Variants in SNX29 observed in about 807,000 individuals in gnomAD.
SNX29 encodes the protein sorting nexin 29, also known as sorting nexin-29.
A neutral mutation model predicts 102.1 loss-of-function variants in SNX29; 78 were observed. The observed-to-expected ratio is 0.76, with a 90% CI of 0.64 to 0.92. The LOEUF (loss-of-function observed/expected upper bound fraction) is 0.92. Ranked by LOEUF, SNX29 falls within the 40% of genes least tolerant of loss-of-function variation. The probability of loss-of-function intolerance (pLI) is 0.00; values close to 1 mark genes in which losing one functional copy is unlikely to be tolerated. For missense variants in SNX29, 1,280 were observed against 1,061.7 expected (o/e 1.21, Z -2.86); for synonymous variants, 580 against 414.5 (o/e 1.40, Z -4.85).
At chr16:12,527,385 C>T (rs1203220868) in intron 20 of SNX29, 2 of 497,052 alleles carry the variant, frequency 4.0e-6, no homozygotes, top group Non-Finnish European at 7.8e-6. Context: ...AATCTCCTGC[C>T]TAAGGAAATA....
intron 11 of SNX29, among the ~76,000 whole-genome samples, chr16:12,099,164 G>A (rs2052899793): frequency 6.6e-6 from 1 of 152,226 alleles, no homozygotes; most frequent in Admixed American, 6.5e-5. Flanking sequence ...TTTCTCTTCT[G>A]CAGAATGGGA....
intron 15 of SNX29, among the ~76,000 whole-genome samples, chr16:12,310,471 C>T (rs1241640715): frequency 6.6e-6 from 1 of 151,148 alleles, no homozygotes; most frequent in Non-Finnish European, 1.5e-5. Flanking sequence ...GAACCATTGG[C>T]ACGCGTAACA....
chr16:12,246,827 G>A (rs374386941), intron 14 of SNX29, among the ~76,000 whole-genome samples: 27 of 152,270 alleles, frequency 1.8e-4, no homozygotes, highest in African/African-American at 6.5e-4. Flanking sequence ...CTGGATGTTG[G>A]GGATGGATCT....
chr16:12,403,378 C>CTTTTTTA, intron 17 of SNX29, 70 bp from the exon 18 acceptor site: 1 of 1,478,426 alleles, frequency 6.8e-7, no homozygotes, highest in South Asian at 1.2e-5. Flanking sequence ...CTCCTTTCCT[C>CTTTTTTA]TTTTTTATTT....
chr16:12,440,239 C>G (rs376130011), intron 18 of SNX29, among the ~76,000 whole-genome samples: 6 of 152,206 alleles, frequency 3.9e-5, no homozygotes, highest in African/African-American at 1.4e-4. Flanking sequence ...GAGATATTCA[C>G]AAACCATAAA....
At chr16:11,992,001 A>T (rs1350557074) in intron 1 of SNX29, among the ~76,000 whole-genome samples, 2 of 152,144 alleles carry the variant, frequency 1.3e-5, no homozygotes, top group Non-Finnish European at 2.9e-5. Context: ...AGTCCTTCTC[A>T]TAAAAATATT....
At chr16:12,230,306 C>T (rs896387286) in intron 14 of SNX29, among the ~76,000 whole-genome samples, 3 of 152,232 alleles carry the variant, frequency 2.0e-5, no homozygotes, top group African/African-American at 7.2e-5. Flanking sequence ...AAGAGTCAAG[C>T]CATGATTTAT....
intron 13 of SNX29, among the ~76,000 whole-genome samples, chr16:12,142,186 C>T (rs1319377861): frequency 6.6e-6 from 1 of 152,162 alleles, no homozygotes; most frequent in East Asian, 1.9e-4. Flanking sequence ...GGATCCAGTC[C>T]ACACTGAACC....
At chr16:12,417,026 C>G (rs1338555970) in intron 18 of SNX29, among the ~76,000 whole-genome samples, 1 of 152,248 alleles carries the variant, frequency 6.6e-6, no homozygotes, top group African/African-American at 2.4e-5. Flanking sequence ...CCAGGCACTG[C>G]GCCTAGTGAG....
chr16:12,200,518 T>G (rs931035877), intron 14 of SNX29, among the ~76,000 whole-genome samples: 3 of 151,450 alleles, frequency 2.0e-5, no homozygotes, highest in Non-Finnish European at 4.4e-5. Flanking sequence ...AGCCTCACTC[T>G]ACCGCCCAGG....
At chr16:12,563,798 C>CCCA (rs1248967255) in intron 20 of SNX29, among the ~76,000 whole-genome samples, 1 of 152,240 alleles carries the variant, frequency 6.6e-6, no homozygotes, top group African/African-American at 2.4e-5. Flanking sequence ...GACTGCAACA[C>CCCA]CCACCCATTT....
intron 20 of SNX29, among the ~76,000 whole-genome samples, chr16:12,539,289 C>T (rs1044194248): frequency 6.6e-5 from 10 of 152,132 alleles, no homozygotes; most frequent in South Asian, 2.1e-4. Flanking sequence ...CCCTCCCCCA[C>T]CTCTAAGCCC....
At chr16:12,532,987 G>A (rs1567663794) in intron 20 of SNX29, among the ~76,000 whole-genome samples, 1 of 152,216 alleles carries the variant, frequency 6.6e-6, no homozygotes, top group African/African-American at 2.4e-5. Context: ...GGCTGTGGTG[G>A]CATCCCTGAG....
At chr16:12,002,201 A>T (rs376652645) in intron 2 of SNX29, among the ~76,000 whole-genome samples, 1 of 152,056 alleles carries the variant, frequency 6.6e-6, no homozygotes, top group African/African-American at 2.4e-5. Flanking sequence ...TAATCCCAGC[A>T]CTTTGGGAGG....
chr16:12,236,283 C>T (rs982971815), intron 14 of SNX29, among the ~76,000 whole-genome samples: 3 of 152,120 alleles, frequency 2.0e-5, no homozygotes, highest in African/African-American at 4.8e-5. Flanking sequence ...ATTTTCAAAG[C>T]CTTCATTTGA....
At chr16:12,205,070 G>A (rs560334347) in intron 14 of SNX29, among the ~76,000 whole-genome samples, 3 of 152,338 alleles carry the variant, frequency 2.0e-5, no homozygotes, top group African/African-American at 4.8e-5. Context: ...AAAGAATGGG[G>A]CAGGGCATTT....
chr16:12,463,951 G>T (rs2086933824), intron 18 of SNX29, among the ~76,000 whole-genome samples: 1 of 151,870 alleles, frequency 6.6e-6, no homozygotes, highest in South Asian at 2.1e-4. Context: ...CAGATCCACA[G>T]AACTTATCTT....
At chr16:12,550,415 C>G (rs966270981) in intron 20 of SNX29, among the ~76,000 whole-genome samples, 4 of 151,792 alleles carry the variant, frequency 2.6e-5, no homozygotes, top group Admixed American at 6.6e-5. Flanking sequence ...CACGCCTGTA[C>G]TCCCACCTAC....
intron 11 of SNX29, chr16:12,087,813 T>A (rs138882402): frequency 2.2e-6 from 1 of 456,520 alleles, no homozygotes; most frequent in South Asian, 1.6e-5. Flanking sequence ...CATATCCAGC[T>A]GTATCCTCTT....
Sources: allele counts gnomAD v4.1 joint callset (sites outside exome capture counted in the v4.1 genomes callset), GRCh38; gene constraint gnomAD v4.1.1; transcripts MANE v1.5; gene names NCBI Gene and HGNC (gene_info 2026-07-23, HGNC 2026-07-21).